GRID1: variants seen among roughly 807,000 people sequenced by gnomAD.
GRID1 encodes the protein glutamate ionotropic receptor delta type subunit 1, also known as glutamate receptor ionotropic, delta-1.
A neutral mutation model predicts 98.0 loss-of-function variants in GRID1; 28 were observed. That is an observed-to-expected ratio of 0.29 (90% CI 0.21 to 0.39). The LOEUF is 0.39. Ranked by LOEUF, GRID1 falls within the 10% of genes least tolerant of loss-of-function variation. The pLI, the probability that GRID1 is intolerant of heterozygous loss-of-function variation, is 1.00. For synonymous variants in GRID1, 553 were observed against 538.5 expected, an observed-to-expected ratio of 1.03 and a Z score of -0.37; for missense variants, 1,111 against 1,340.5, an observed-to-expected ratio of 0.83 and a Z score of 2.67.
intron 4 of GRID1, among the ~76,000 whole-genome samples, chr10:86,102,837 C>G (rs1278432060): frequency 6.6e-6 from 1 of 152,180 alleles, no homozygotes; most frequent in Non-Finnish European, 1.5e-5. Context: ...CCCATATTCC[C>G]CACATGTCAT....
chr10:85,721,903 A>G (rs1343740736), intron 12 of GRID1, among the ~76,000 whole-genome samples: 1 of 152,318 alleles, frequency 6.6e-6, no homozygotes, highest in Middle Eastern at 3.4e-3. Context: ...AAATCAGTCA[A>G]CTGTATCAGT....
chr10:85,809,735 A>G (rs1436506443), intron 8 of GRID1, among the ~76,000 whole-genome samples: 1 of 152,196 alleles, frequency 6.6e-6, no homozygotes, highest in African/African-American at 2.4e-5. Flanking sequence ...CAGAGACTCA[A>G]GAGGGTAGCA....
At chr10:85,611,387 C>A (rs1043382754) in intron 15 of GRID1, among the ~76,000 whole-genome samples, 1 of 152,186 alleles carries the variant, frequency 6.6e-6, no homozygotes, top group Admixed American at 6.5e-5. Flanking sequence ...GAGGCTGGGG[C>A]TGAGCCTGAA....
At chr10:85,637,534 C>T (rs1219682325) in intron 13 of GRID1, among the ~76,000 whole-genome samples, 1 of 152,122 alleles carries the variant, frequency 6.6e-6, no homozygotes, top group Non-Finnish European at 1.5e-5. Flanking sequence ...AGACCACTGC[C>T]CTCATTCTCC....
chr10:85,839,858 G>T (rs1156643615), intron 8 of GRID1, among the ~76,000 whole-genome samples: 2 of 151,964 alleles, frequency 1.3e-5, no homozygotes, highest in Non-Finnish European at 2.9e-5. Flanking sequence ...TAGATAGACT[G>T]CCAGTTAGAC....
At chr10:85,871,608 A>C (rs1286779958) in intron 5 of GRID1, among the ~76,000 whole-genome samples, 1 of 152,242 alleles carries the variant, frequency 6.6e-6, no homozygotes, top group East Asian at 1.9e-4. Context: ...TCTAGCTTTG[A>C]GACAATATGA....
intron 8 of GRID1, among the ~76,000 whole-genome samples, chr10:85,773,166 A>C (rs988538431): frequency 1.2e-4 from 19 of 152,260 alleles, no homozygotes; most frequent in Non-Finnish European, 2.6e-4. Context: ...AGGCTGGTTC[A>C]ATATACACAA....
chr10:85,931,361 T>C (rs549072970), intron 4 of GRID1, among the ~76,000 whole-genome samples: 12 of 152,332 alleles, frequency 7.9e-5, no homozygotes, highest in Non-Finnish European at 2.9e-5. Context: ...AACTCTGAAA[T>C]ATTTTGTTAC....
intron 3 of GRID1, among the ~76,000 whole-genome samples, chr10:86,163,134 C>T (rs1046287067): frequency 1.3e-5 from 2 of 152,198 alleles, no homozygotes; most frequent in Non-Finnish European, 2.9e-5. Flanking sequence ...TGGGCCAGTA[C>T]CCTCAGTGCC....
At chr10:85,782,909 T>C (rs956537353) in intron 8 of GRID1, among the ~76,000 whole-genome samples, 1 of 152,098 alleles carries the variant, frequency 6.6e-6, no homozygotes, top group Non-Finnish European at 1.5e-5. Context: ...AAGACACACA[T>C]TGACATGGGA....
chr10:86,213,352 A>G (rs1846132101), intron 2 of GRID1, among the ~76,000 whole-genome samples: 1 of 151,984 alleles, frequency 6.6e-6, no homozygotes, highest in African/African-American at 2.4e-5. Flanking sequence ...CCACGCTGAC[A>G]CATCTCTACC....
intron 4 of GRID1, among the ~76,000 whole-genome samples, chr10:86,045,524 C>A (rs1843410810): frequency 6.6e-6 from 1 of 152,102 alleles, no homozygotes; most frequent in Admixed American, 6.5e-5. Context: ...AGCCTGGCTC[C>A]AAAGCTTCAG....
Position 86,119,327 on chromosome 10 carries a change from C to T in GRID1, c.726+19492G>A, listed in dbSNP as rs540022777. ...TCCAGCCTGGGTGACAGAGTGAGAC[C>T]CTGTCTCAAAAACAAACAAACAAAC... is the stretch of plus-strand genomic sequence containing the variant. On this transcript the variant is annotated intron_variant, in intron 4 of 15. Coordinates refer to ENST00000327946, the MANE Select transcript of GRID1 (RefSeq NM_017551.3). Among the ~76,000 whole-genome samples the T allele has an allele frequency of 6.6e-5, 10 of 151,906 alleles. No homozygotes were observed. The South Asian group carries it at 2.1e-3, about 32-fold the overall frequency.
chr10:85,961,946 G>T (rs1842273478), intron 4 of GRID1, among the ~76,000 whole-genome samples: 1 of 152,172 alleles, frequency 6.6e-6, no homozygotes, highest in Admixed American at 6.5e-5. Context: ...ACAAAGGAGG[G>T]AAGGAAGGGA....
intron 4 of GRID1, among the ~76,000 whole-genome samples, chr10:85,989,534 C>A (rs1427506250): frequency 6.6e-6 from 1 of 152,184 alleles, no homozygotes; most frequent in African/African-American, 2.4e-5. Flanking sequence ...CCTGTTCAAT[C>A]AGCATCGGCA....
Position 85,599,821 on chromosome 10 carries a change from A to ATATATATATATATATATATATATATG in GRID1, c.*2451_*2452insCATATATATATATATATATATATATA, listed in dbSNP as rs1470286241. ...AAAAAAAATATATATATATATATATAAACATGGTGAAGAATAACACCATGA... is the reference window on the plus strand; with the variant it reads ...AAAAAAAATATATATATATATATATATATATATATATATATATATATATATGAACATGGTGAAGAATAACACCATGA... On this transcript the variant is annotated 3_prime_UTR_variant, in exon 16 of 16. Transcript: ENST00000327946. The ATATATATATATATATATATATATATG allele has an allele frequency of 1.5e-5, 2 of 129,344 alleles. No homozygotes were observed. Among genetic ancestry groups the ATATATATATATATATATATATATATG allele is most frequent in the African/African-American group, 6.2e-5 (2 of 32,088 alleles). 8.0% of individuals were successfully genotyped at this position (129,344 alleles called of 1,614,324 possible).
intron 2 of GRID1, among the ~76,000 whole-genome samples, chr10:86,228,199 A>G (rs1846387491): frequency 7.6e-6 from 1 of 131,760 alleles, no homozygotes; most frequent in Non-Finnish European, 1.6e-5. Context: ...ATGGATGTGT[A>G]GGTGGGTGGG....
intron 8 of GRID1, among the ~76,000 whole-genome samples, chr10:85,849,200 A>G (rs139135109): frequency 2.6e-4 from 39 of 152,326 alleles, no homozygotes; most frequent in South Asian, 2.1e-3. Flanking sequence ...AACACTGCAT[A>G]GCAGATCTGC....
At chr10:85,873,901 C>A (rs183462946) in intron 5 of GRID1, among the ~76,000 whole-genome samples, 1 of 152,316 alleles carries the variant, frequency 6.6e-6, no homozygotes, top group East Asian at 1.9e-4. Flanking sequence ...CATTTAATAA[C>A]CACTGGTTGA....
Sources: allele counts gnomAD v4.1 joint callset (sites outside exome capture counted in the v4.1 genomes callset), GRCh38; gene constraint gnomAD v4.1.1; transcripts MANE v1.5; gene names NCBI Gene and HGNC (gene_info 2026-07-23, HGNC 2026-07-21).